LHFPL3: variants seen among roughly 807,000 people sequenced by gnomAD.
LHFPL3 encodes LHFPL tetraspan subfamily member 3.
Under a neutral mutation model 19.3 loss-of-function variants are expected in LHFPL3, and 5 were observed. The ratio of observed to expected loss-of-function variants is 0.26; its 90% confidence interval spans 0.14 to 0.54. The LOEUF is 0.54. Among genes scored for constraint, LHFPL3 ranks in the 20% least tolerant of loss-of-function variants. The pLI is 0.94. For synonymous variants in LHFPL3, 133 were observed against 126.2 expected (o/e 1.05, Z -0.36); for missense variants, 249 against 307.4 (o/e 0.81, Z 1.42).
chr7:104,905,236 G>A (rs1161720553), intron 2 of LHFPL3, among the ~76,000 whole-genome samples: 1 of 152,012 alleles, frequency 6.6e-6, no homozygotes, highest in East Asian at 1.9e-4. Flanking sequence ...GATTACAAGT[G>A]TGAGCCGTAA....
chr7:104,505,833 A>AAT (rs140740603), intron 1 of LHFPL3, among the ~76,000 whole-genome samples: 1 of 152,308 alleles, frequency 6.6e-6, no homozygotes, highest in East Asian at 1.9e-4. Context: ...GAAGTATTTA[A>AAT]AAAGTTACTC....
intron 1 of LHFPL3, among the ~76,000 whole-genome samples, chr7:104,602,045 C>T (rs1790982251): frequency 3.1e-5 from 1 of 32,444 alleles, no homozygotes. Flanking sequence ...TTTTTTCTGA[C>T]AGCCTTGCTC....
intron 1 of LHFPL3, among the ~76,000 whole-genome samples, chr7:104,507,716 A>G (rs1292673971): frequency 1.5e-5 from 2 of 133,696 alleles, no homozygotes; most frequent in East Asian, 4.4e-4. Context: ...TCATCTGACA[A>G]AGGGCTAATA....
intron 1 of LHFPL3, among the ~76,000 whole-genome samples, chr7:104,570,277 AC>A (rs1183642700): frequency 6.6e-6 from 1 of 152,014 alleles, no homozygotes; most frequent in East Asian, 1.9e-4. Flanking sequence ...CATTGCTTAC[AC>A]CCCTCCTGGT....
chr7:104,600,433 C>T (rs1281714206), intron 1 of LHFPL3, among the ~76,000 whole-genome samples: 8 of 152,194 alleles, frequency 5.3e-5, no homozygotes, highest in Admixed American at 1.3e-4. Flanking sequence ...TTGTCACACA[C>T]GTTCTAATAG....
chr7:104,329,310 TGC>T (rs1364768999), intron 1 of LHFPL3, 86 bp downstream of exon 1: 16 of 1,460,274 alleles, frequency 1.1e-5, no homozygotes, highest in Non-Finnish European at 1.5e-5. Flanking sequence ...ACGGGGGCTG[TGC>T]GCGCCGCTGC....
chr7:104,524,538 C>T (rs1235345267), intron 1 of LHFPL3, among the ~76,000 whole-genome samples: 1 of 152,136 alleles, frequency 6.6e-6, no homozygotes, highest in Non-Finnish European at 1.5e-5. Context: ...CTATCTCTTC[C>T]TTTATCCTCA....
At chr7:104,539,199 TG>T (rs1794441878) in intron 1 of LHFPL3, among the ~76,000 whole-genome samples, 1 of 152,200 alleles carries the variant, frequency 6.6e-6, no homozygotes, top group Non-Finnish European at 1.5e-5. Context: ...CCACTAGGTA[TG>T]TGATAATTTG....
At chr7:104,810,956 A>G (rs921109733) in intron 2 of LHFPL3, among the ~76,000 whole-genome samples, 2 of 152,224 alleles carry the variant, frequency 1.3e-5, no homozygotes, top group Non-Finnish European at 1.5e-5. Context: ...ATAAACTGGC[A>G]GCTCAGGATT....
chr7:104,768,741 T>C (rs901827890), intron 2 of LHFPL3: 2 of 152,254 alleles, frequency 1.3e-5, no homozygotes, highest in African/African-American at 4.8e-5. Flanking sequence ...ATGACAACTT[T>C]GTTGCCACCT....
rs537972914 is a variant in LHFPL3, at chr7:104,574,445, G to A, written c.446-162230G>A. Among the ~76,000 whole-genome samples the A allele has an allele frequency of 1.3e-4, 20 of 152,284 alleles. No homozygotes were observed. The South Asian group carries it at 4.1e-3, about 32-fold the overall frequency. On this transcript the variant is annotated intron_variant, in intron 1 of 2. Coordinates refer to ENST00000424859, the MANE Select transcript of LHFPL3 (RefSeq NM_199000.3). ...GGGCTTATTCAGAAAGCCCTTTAAA[G>A]GACTTTACATTTTTGAAGTAAGAAT...
At chr7:104,583,032 C>A (rs1790490933) in intron 1 of LHFPL3, among the ~76,000 whole-genome samples, 1 of 151,880 alleles carries the variant, frequency 6.6e-6, no homozygotes, top group Admixed American at 6.6e-5. Context: ...TTCAGTCAAG[C>A]AGCCAAATAG....
At chr7:104,846,899 A>G (rs1357769989) in intron 2 of LHFPL3, among the ~76,000 whole-genome samples, 4 of 152,336 alleles carry the variant, frequency 2.6e-5, no homozygotes, top group African/African-American at 9.6e-5. Flanking sequence ...GAGTAACCTC[A>G]GGCTGTTTTT....
At chr7:104,715,470 GCCTTATT>G (rs1793369321) in intron 1 of LHFPL3, among the ~76,000 whole-genome samples, 1 of 152,152 alleles carries the variant, frequency 6.6e-6, no homozygotes, top group Non-Finnish European at 1.5e-5. Context: ...GGTCATCCTT[GCCTTATT>G]CCTGAGAAGA....
intron 1 of LHFPL3, among the ~76,000 whole-genome samples, chr7:104,639,829 A>C (rs772464785): frequency 3.9e-5 from 6 of 152,238 alleles, no homozygotes; most frequent in Non-Finnish European, 7.3e-5. Context: ...TTGACATCAA[A>C]TAATTCCTCT....
chr7:104,896,217 G>C (rs1177212055), intron 2 of LHFPL3, among the ~76,000 whole-genome samples: 1 of 152,214 alleles, frequency 6.6e-6, no homozygotes, highest in African/African-American at 2.4e-5. Flanking sequence ...TCAGTCCACA[G>C]CCTAAGGCTC....
chr7:104,753,471 A>C (rs1179515993), intron 2 of LHFPL3, among the ~76,000 whole-genome samples: 2 of 152,152 alleles, frequency 1.3e-5, no homozygotes, highest in African/African-American at 4.8e-5. Flanking sequence ...ATATTTGAGA[A>C]TTTTTTTTCA....
At chr7:104,409,031 AT>A (rs11336631) in intron 1 of LHFPL3, among the ~76,000 whole-genome samples, 80,405 of 128,522 alleles carry the variant, frequency 0.63, 24,623 homozygotes, top group Admixed American at 0.68. Context: ...CGCCCGGCTA[AT>A]TTTTTTTTTT....
At chr7:104,739,983 G>A (rs953790190) in intron 2 of LHFPL3, among the ~76,000 whole-genome samples, 73 of 152,174 alleles carry the variant, frequency 4.8e-4, no homozygotes, top group African/African-American at 1.7e-3. Flanking sequence ...CACGTGTTGG[G>A]AAAGGGACCT....
Sources: gnomAD v4.1 joint callset for allele counts (sites outside exome capture counted in the v4.1 genomes callset) on GRCh38, gnomAD v4.1.1 for gene constraint, MANE v1.5 for transcripts, NCBI Gene and HGNC (gene_info 2026-07-23, HGNC 2026-07-21) for gene names.